The following ABLIM1 variants were observed in gnomAD, a reference collection of about 807,000 sequenced individuals.
ABLIM1 encodes the protein actin-binding LIM protein 1.
ABLIM1 carries 40 observed loss-of-function variants against 107.0 expected under a neutral mutation model. That is an observed-to-expected ratio of 0.37 (90% CI 0.29 to 0.49). The LOEUF (loss-of-function observed/expected upper bound fraction) is 0.49, where lower values mean the gene tolerates loss of function less well. ABLIM1 is among the 20% of genes least tolerant of loss of function. ABLIM1 has a pLI of 0.97. For synonymous variants in ABLIM1, 357 were observed against 357.3 expected, an observed-to-expected ratio of 1.00 and a Z score of 0.01; for missense variants, 857 against 1,008.5, an observed-to-expected ratio of 0.85 and a Z score of 2.04.
At chr10:114,661,172 T>A (rs2079780236), upstream of ABLIM1, among the ~76,000 whole-genome samples, 1 of 152,236 alleles carries the variant, frequency 6.6e-6, no homozygotes, top group African/African-American at 2.4e-5. Flanking sequence ...GATACTTTTT[T>A]AGGTCAAGAT....
At chr10:114,481,228 C>T (rs1164024047) in intron 8 of ABLIM1, among the ~76,000 whole-genome samples, 3 of 151,934 alleles carry the variant, frequency 2.0e-5, no homozygotes, top group Non-Finnish European at 4.4e-5. Context: ...TATGATCCAC[C>T]ATGCACATGG....
chr10:114,719,417 C>T (rs2081785969), intron 1 of ABLIM1, among the ~76,000 whole-genome samples: 1 of 152,172 alleles, frequency 6.6e-6, no homozygotes, highest in Non-Finnish European at 1.5e-5. Context: ...AACAGCCACA[C>T]AAAGGCTTGG....
chr10:114,712,313 A>G (rs2141960439), intron 1 of ABLIM1, among the ~76,000 whole-genome samples: 1 of 133,248 alleles, frequency 7.5e-6, no homozygotes, highest in African/African-American at 2.9e-5. Flanking sequence ...AGATCACGCC[A>G]CTGCACTCCA....
intron 6 of ABLIM1, among the ~76,000 whole-genome samples, chr10:114,505,239 G>A (rs2060966363): frequency 6.6e-6 from 1 of 152,166 alleles, no homozygotes. Context: ...AAGGTCAAAG[G>A]TTTCACATCC....
intron 1 of ABLIM1, among the ~76,000 whole-genome samples, chr10:114,652,759 A>G (rs1254804699): frequency 6.6e-6 from 1 of 152,132 alleles, no homozygotes; most frequent in African/African-American, 2.4e-5. Context: ...CGCCCTAAAT[A>G]TGTTCTTTCG....
At chr10:114,590,395 C>T (rs1197042789) in intron 2 of ABLIM1, among the ~76,000 whole-genome samples, 2 of 152,178 alleles carry the variant, frequency 1.3e-5, no homozygotes, top group Admixed American at 6.5e-5. Context: ...CATTAATCAG[C>T]GTCTGGGTCA....
chr10:114,441,664 T>C (rs1342863824), intron 18 of ABLIM1, 58 bp downstream of exon 18: 2 of 1,520,978 alleles, frequency 1.3e-6, no homozygotes, highest in African/African-American at 1.4e-5. Context: ...TGTCAATACT[T>C]CAACCAGGGC....
At chr10:114,544,945 G>A in intron 6 of ABLIM1, 60 bp downstream of exon 6, 1 of 1,521,240 alleles carries the variant, frequency 6.6e-7, no homozygotes, top group Non-Finnish European at 9.1e-7. Flanking sequence ...CCTCTTGTTT[G>A]TTTCTGAGGG....
chr10:114,538,441 A>G (rs774141321), intron 6 of ABLIM1, among the ~76,000 whole-genome samples: 1 of 152,200 alleles, frequency 6.6e-6, no homozygotes, highest in Non-Finnish European at 1.5e-5. Context: ...TCCAGGGTCT[A>G]GAGGACTTCC....
chr10:114,512,077 C>G (rs150813976), intron 6 of ABLIM1, among the ~76,000 whole-genome samples: 164 of 152,318 alleles, frequency 1.1e-3, no homozygotes, highest in African/African-American at 3.3e-3. Flanking sequence ...GGTACCACTT[C>G]CTTGCTGCAG....
At chr10:114,751,162 A>G (rs1307227578) in intron 1 of ABLIM1, among the ~76,000 whole-genome samples, 1 of 152,202 alleles carries the variant, frequency 6.6e-6, no homozygotes, top group Non-Finnish European at 1.5e-5. Context: ...CTCTTTGCCA[A>G]AAAACATTGG....
chr10:114,474,672 A>G (rs969578246), intron 8 of ABLIM1, among the ~76,000 whole-genome samples: 7 of 152,036 alleles, frequency 4.6e-5, no homozygotes, highest in Non-Finnish European at 7.4e-5. Context: ...GAGCCACCGC[A>G]CTCAGCCGAG....
intron 10 of ABLIM1, among the ~76,000 whole-genome samples, chr10:114,469,901 G>T (rs2066117827): frequency 6.6e-6 from 1 of 152,222 alleles, no homozygotes; most frequent in Non-Finnish European, 1.5e-5. Context: ...TTTAGAATTT[G>T]CCCTTTTCCC....
At chr10:114,500,655 G>A (rs542516378) in intron 6 of ABLIM1, among the ~76,000 whole-genome samples, 1 of 145,378 alleles carries the variant, frequency 6.9e-6, no homozygotes, top group African/African-American at 2.6e-5. Flanking sequence ...CTCCAGCCCA[G>A]GTGACAGAGG....
At chr10:114,793,679 C>T in the ABLIM1 span, among the ~76,000 whole-genome samples, 1 of 152,164 alleles carries the variant, frequency 6.6e-6, no homozygotes, top group Non-Finnish European at 1.5e-5. Context: ...GGCAGGAACA[C>T]AGGAGCAGGC....
intron 1 of ABLIM1, among the ~76,000 whole-genome samples, chr10:114,750,945 A>G (rs915735170): frequency 3.3e-5 from 5 of 152,230 alleles, no homozygotes; most frequent in Admixed American, 2.6e-4. Flanking sequence ...TAATTTGCCT[A>G]TCAGGATTCT....
At chr10:114,673,704 T>G (rs1236586668) in intron 1 of ABLIM1, among the ~76,000 whole-genome samples, 2 of 152,232 alleles carry the variant, frequency 1.3e-5, no homozygotes, top group Non-Finnish European at 2.9e-5. Flanking sequence ...GTACCACAAT[T>G]TATAATTATG....
intron 2 of ABLIM1, among the ~76,000 whole-genome samples, chr10:114,582,872 T>G (rs1339590283): frequency 1.3e-5 from 2 of 152,134 alleles, no homozygotes; most frequent in Non-Finnish European, 2.9e-5. Flanking sequence ...CAAGATAGAT[T>G]AAAGGCTTAA....
chr10:114,538,801 C>G (rs1222614182), intron 6 of ABLIM1, among the ~76,000 whole-genome samples: 3 of 152,208 alleles, frequency 2.0e-5, no homozygotes, highest in African/African-American at 7.2e-5. Context: ...GAGGGCCGAG[C>G]GCCTTTGTCC....
Sources: allele counts gnomAD v4.1 joint callset (sites outside exome capture counted in the v4.1 genomes callset), GRCh38; gene constraint gnomAD v4.1.1; transcripts MANE v1.5; gene names NCBI Gene and HGNC (gene_info 2026-07-23, HGNC 2026-07-21).